The following CSMD2 variants were observed in gnomAD, a reference collection of about 807,000 sequenced individuals.
CSMD2 encodes CUB and Sushi multiple domains 2, also known as CUB and sushi domain-containing protein 2.
CSMD2 carries 130 observed loss-of-function variants against 398.5 expected under a neutral mutation model. That is an observed-to-expected ratio of 0.33 (90% confidence interval 0.28 to 0.38). The LOEUF (loss-of-function observed/expected upper bound fraction) is 0.38, where lower values mean the gene tolerates loss of function less well. CSMD2 is among the 10% of genes least tolerant of loss of function. CSMD2 has a pLI of 1.00. For missense variants in CSMD2, 3,829 were observed against 4,764.9 expected (o/e 0.80, Z 5.78); for synonymous variants, 1,828 against 1,908.5 (o/e 0.96, Z 1.10).
At chr1:34,008,059 G>A (rs1346003904) in intron 3 of CSMD2, among the ~76,000 whole-genome samples, 3 of 152,166 alleles carry the variant, frequency 2.0e-5, no homozygotes, top group African/African-American at 2.4e-5. Flanking sequence ...TATGCTTTAT[G>A]GAGTGCGCAA....
intron 13 of CSMD2, 64 bp downstream of exon 13, chr1:33,772,505 G>C: frequency 6.6e-7 from 1 of 1,505,950 alleles, no homozygotes; most frequent in East Asian, 2.3e-5. Flanking sequence ...CCCTGGATTA[G>C]CTAGGAAACG....
At chr1:34,106,890 GC>G (rs1660578917) in intron 1 of CSMD2, among the ~76,000 whole-genome samples, 1 of 152,274 alleles carries the variant, frequency 6.6e-6, no homozygotes, top group African/African-American at 2.4e-5. Flanking sequence ...TAACACAGAA[GC>G]CACCATTGCG....
intron 62 of CSMD2, among the ~76,000 whole-genome samples, chr1:33,535,777 C>T (rs1473702336): frequency 1.3e-5 from 2 of 152,236 alleles, no homozygotes; most frequent in East Asian, 3.8e-4. Flanking sequence ...CTCAGCACTC[C>T]TTTGCACCAG....
At chr1:33,860,785 A>C (rs1639443753) in intron 5 of CSMD2, 1 of 152,218 alleles carries the variant, frequency 6.6e-6, no homozygotes, top group South Asian at 2.1e-4. Flanking sequence ...ACTGCCACCA[A>C]GTAAAGAGGA....
At chr1:33,659,553 G>A (rs1296074955) in intron 26 of CSMD2, among the ~76,000 whole-genome samples, 4 of 152,202 alleles carry the variant, frequency 2.6e-5, no homozygotes, top group Non-Finnish European at 4.4e-5. Flanking sequence ...AATTTATTCT[G>A]GATTACAAGG....
At chr1:34,088,520 A>G (rs1658181666) in intron 2 of CSMD2, among the ~76,000 whole-genome samples, 1 of 152,168 alleles carries the variant, frequency 6.6e-6, no homozygotes, top group Non-Finnish European at 1.5e-5. Flanking sequence ...AACTCCCCCA[A>G]ATTCCAGAGT....
At chr1:33,833,986 C>G (rs931934358) in intron 6 of CSMD2, among the ~76,000 whole-genome samples, 5 of 149,132 alleles carry the variant, frequency 3.4e-5, no homozygotes, top group Non-Finnish European at 7.4e-5. Context: ...AACCACTGCT[C>G]AATGAAATAA....
Position 33,668,923 on chromosome 1 carries a change from A to G in CSMD2, c.4053-5831T>C, listed in dbSNP as rs575351181. Among the ~76,000 whole-genome samples the G allele has an allele frequency of 7.9e-5, 12 of 152,352 alleles. No individual in the cohort carries two copies. In the South Asian group the frequency reaches 2.5e-3, roughly 32 times the overall value. ...TGAAGGAGACACCCAAAACATAATA[A>G]TATGTGCAATAGGTGCTAAAGAGTG... is the stretch of plus-strand genomic sequence containing the variant. On this transcript the variant is annotated intron_variant, in intron 25 of 70. Transcript: ENST00000373381.
intron 25 of CSMD2, among the ~76,000 whole-genome samples, chr1:33,691,169 G>T (rs923147667): frequency 1.4e-4 from 21 of 152,160 alleles, no homozygotes; most frequent in African/African-American, 4.8e-4. Context: ...TTGCTTTGCC[G>T]GAATGTCATT....
intron 3 of CSMD2, among the ~76,000 whole-genome samples, chr1:33,957,033 C>T (rs1645193492): frequency 6.6e-6 from 1 of 152,022 alleles, no homozygotes; most frequent in Non-Finnish European, 1.5e-5. Flanking sequence ...TACCTCAGGG[C>T]TCTTGCATTC....
At chr1:33,742,524 T>C (rs1251123583) in intron 14 of CSMD2, among the ~76,000 whole-genome samples, 1 of 151,264 alleles carries the variant, frequency 6.6e-6, no homozygotes, top group Non-Finnish European at 1.5e-5. Flanking sequence ...TACGACCTGA[T>C]AACCACTTCT....
intron 7 of CSMD2, among the ~76,000 whole-genome samples, chr1:33,825,264 C>T (rs993793590): frequency 1.3e-5 from 2 of 152,200 alleles, no homozygotes; most frequent in Non-Finnish European, 2.9e-5. Context: ...TAGGCATTCC[C>T]CTGCCTCCCT....
At chr1:34,122,316 T>G (rs1662270478) in intron 1 of CSMD2, among the ~76,000 whole-genome samples, 1 of 152,156 alleles carries the variant, frequency 6.6e-6, no homozygotes, top group Middle Eastern at 3.4e-3. Context: ...CAGCTGAGCC[T>G]TTGGGGCACC....
At chr1:33,833,874 A>T (rs980377986) in intron 6 of CSMD2, among the ~76,000 whole-genome samples, 100 of 151,646 alleles carry the variant, frequency 6.6e-4, no homozygotes, top group Non-Finnish European at 1.3e-3. Context: ...ACAGAGAGCC[A>T]AATCATGAGT....
chr1:34,012,132 C>T (rs1647426827), intron 3 of CSMD2, among the ~76,000 whole-genome samples: 1 of 152,184 alleles, frequency 6.6e-6, no homozygotes, highest in South Asian at 2.1e-4. Flanking sequence ...CACAGCCTCT[C>T]CGATTCCACC....
intron 3 of CSMD2, among the ~76,000 whole-genome samples, chr1:33,950,383 CAG>C (rs3045848): frequency 0.076 from 10,204 of 133,668 alleles, 377 homozygotes; most frequent in Admixed American, 0.14. Context: ...TCTCCTCCAG[CAG>C]AGAGAGAGAG....
chr1:33,698,224 G>A (rs1428259072), intron 24 of CSMD2, among the ~76,000 whole-genome samples: 1 of 152,230 alleles, frequency 6.6e-6, no homozygotes, highest in Non-Finnish European at 1.5e-5. Context: ...ACAGGTTTAA[G>A]AAGATGCAAG....
chr1:33,853,697 G>A (rs1003455423), intron 5 of CSMD2, among the ~76,000 whole-genome samples: 16 of 152,214 alleles, frequency 1.1e-4, no homozygotes, highest in African/African-American at 3.6e-4. Context: ...GGGGTGCCAT[G>A]GGCACCAGTC....
rs1014498492 is a variant in CSMD2, at chr1:33,957,945, GTGTGTGTGTGTGCACGCACGCA to G, written c.518-22013_518-21992del. Among the ~76,000 whole-genome samples, 27 of 152,172 alleles carry G rather than the reference GTGTGTGTGTGTGCACGCACGCA, an allele frequency of 1.8e-4. No homozygotes were observed. The South Asian group carries it at 4.2e-3, about 23-fold the overall frequency. ...ACTCAGTCACTGTGTGTGTGTGTGT[GTGTGTGTGTGTGCACGCACGCA>G]TGTGTGTGTGTTGGTGCTGCTGCTA... On this transcript the variant is annotated intron_variant, in intron 3 of 70. Transcript: ENST00000373381.
Sources: allele counts gnomAD v4.1 joint callset (sites outside exome capture counted in the v4.1 genomes callset), GRCh38; gene constraint gnomAD v4.1.1; transcripts MANE v1.5; gene names NCBI Gene and HGNC (gene_info 2026-07-23, HGNC 2026-07-21).